Variants in PHF19 observed in about 807,000 individuals in gnomAD.
PHF19 encodes PHD finger protein 19.
In PHF19, 21 loss-of-function variants were observed where a neutral mutation model predicts 79.8. That is an observed-to-expected ratio of 0.26 (90% CI 0.19 to 0.38). The LOEUF is 0.38. Ranked by LOEUF, PHF19 falls within the 10% of genes least tolerant of loss-of-function variation. PHF19 has a pLI of 1.00. For missense variants in PHF19, 445 were observed against 744.2 expected, an observed-to-expected ratio of 0.60 and a Z score of 4.68; for synonymous variants, 273 against 296.3, an observed-to-expected ratio of 0.92 and a Z score of 0.81.
At chr9:120,875,130 T>C (rs937687541) in intron 1 of PHF19, among the ~76,000 whole-genome samples, 10 of 152,202 alleles carry the variant, frequency 6.6e-5, no homozygotes, top group African/African-American at 2.4e-4. Flanking sequence ...CCATGTGCTC[T>C]GGATGGAGGA....
the PHF19 span, among the ~76,000 whole-genome samples, chr9:120,900,893 C>G: frequency 1.3e-5 from 2 of 152,222 alleles, no homozygotes; most frequent in Non-Finnish European, 2.9e-5. Context: ...GTATGTGTCT[C>G]TTACAATCAG....
rs1554816144 is a variant in PHF19 at position 120,858,810 on chromosome 9, A to ATCAC, written c.1401-528_1401-525dup. 9.7e-5 allele frequency among the ~76,000 whole-genome samples: 6 copies of ATCAC among 62,146 alleles called. No individual in the cohort carries two copies. In the East Asian group the frequency reaches 3.4e-3, roughly 35 times the overall value. 40.8% of individuals were successfully genotyped at this position (62,146 alleles called of 152,430 possible). On this transcript the variant is annotated intron_variant, in intron 14 of 14. Coordinates refer to ENST00000373896, the MANE Select transcript of PHF19 (RefSeq NM_015651.3). The stretch of plus-strand genomic sequence containing the variant: ...AGCCTGGATGGAGAGACTGACAGAC[A>ATCAC]TCACACACACACACACACACACACA...
In PHF19 at chr9:120,860,891, G is replaced by A; in HGVS notation, c.1304+198C>T. On this transcript the variant is annotated intron_variant, in intron 13 of 14. Transcript: ENST00000373896. The surrounding 1 kb of genome is among the most constrained non-coding windows in gnomAD (Gnocchi z 4.1). ...CATGGTGAGTGTGGATAACCATGGG[G>A]CAAGGTGGGGAGGGCTGGAGAAGAG... 1 of 555,638 alleles carries A rather than the reference G, an allele frequency of 1.8e-6. No individual in the cohort carries two copies. The highest frequency in any genetic ancestry group is 2.9e-5 in the Admixed American group (1 of 34,256). The allele number at this position is 555,638 out of a possible 1,614,324, so 34.4% of individuals were successfully genotyped here.
At chr9:120,881,146 T>TTAA (rs2046175254), upstream of PHF19, among the ~76,000 whole-genome samples, 3 of 143,914 alleles carry the variant, frequency 2.1e-5, no homozygotes, top group Non-Finnish European at 4.5e-5. Flanking sequence ...ACATCGGGGG[T>TTAA]TTGTTTTTTT....
At chr9:120,871,268 A>T (rs538579220) in intron 3 of PHF19, among the ~76,000 whole-genome samples, 1 of 152,194 alleles carries the variant, frequency 6.6e-6, no homozygotes, top group Non-Finnish European at 1.5e-5. Context: ...CGTTTCTACT[A>T]TATTCCCACC....
chr9:120,855,878 AC>A lies in PHF19; in HGVS notation c.*2065del. On this transcript the variant is annotated 3_prime_UTR_variant, in exon 15 of 15. Transcript: ENST00000373896. Reference sequence around the variant, plus strand: ...TGCTATCTTCCCAGGTGGTGCAGACACCCCCTCCCTCCTTTTCCCTCTCCAG... The same window carrying A: ...TGCTATCTTCCCAGGTGGTGCAGACACCCCTCCCTCCTTTTCCCTCTCCAG... 6.6e-6 allele frequency: 1 copy of A among 152,494 alleles called. No homozygotes were observed. Among genetic ancestry groups the A allele is most frequent in the Non-Finnish European group, 1.5e-5 (1 of 68,062 alleles). 9.4% of individuals were successfully genotyped at this position (152,494 alleles called of 1,614,324 possible).
the PHF19 span, among the ~76,000 whole-genome samples, chr9:120,902,189 C>T: frequency 2.6e-5 from 4 of 152,148 alleles, no homozygotes; most frequent in Admixed American, 6.5e-5. Context: ...GAACCCCCTG[C>T]GGAGACTTCA....
Position 120,870,429 on chromosome 9 carries a change from C to G in PHF19, c.364+14G>C, listed in dbSNP as rs755595749. On this transcript the variant is annotated intron_variant, in intron 4 of 14. Transcript: ENST00000373896. The surrounding 1 kb of genome is among the most constrained non-coding windows in gnomAD (Gnocchi z 4.4). ...AGGTCGGGGCCTTCTCAGGGCCCTG[C>G]TCGCTCCACTCACCCAGGCCACACT... 1 of 1,567,994 alleles carries G rather than the reference C, an allele frequency of 6.4e-7. No individual in the cohort carries two copies. Among genetic ancestry groups the G allele is most frequent in the South Asian group, 1.1e-5 (1 of 90,194 alleles).
intron 13 of PHF19, 75 bp downstream of exon 13, chr9:120,861,014 C>G: frequency 1.1e-6 from 1 of 877,740 alleles, no homozygotes; most frequent in Non-Finnish European, 2.0e-6. Flanking sequence ...ATCCTTTTAA[C>G]TGAGGGCTTG....
At chr9:120,871,268 A>G (rs538579220) in intron 3 of PHF19, among the ~76,000 whole-genome samples, 63 of 152,312 alleles carry the variant, frequency 4.1e-4, no homozygotes, top group Non-Finnish European at 1.0e-4. Context: ...CGTTTCTACT[A>G]TATTCCCACC....
upstream of PHF19, among the ~76,000 whole-genome samples, chr9:120,880,511 C>T (rs754301668): frequency 6.6e-6 from 1 of 151,304 alleles, no homozygotes; most frequent in Non-Finnish European, 1.5e-5. Context: ...AAACAGCAGA[C>T]CAGATAGATT....
At chr9:120,894,449 G>T (rs994750700) in intron 1 of PHF19, among the ~76,000 whole-genome samples, 1 of 152,220 alleles carries the variant, frequency 6.6e-6, no homozygotes, top group African/African-American at 2.4e-5. Context: ...CAAAGCAACG[G>T]AATCCTTGGG....
upstream of PHF19, among the ~76,000 whole-genome samples, chr9:120,899,776 A>G (rs111500150): frequency 5.3e-5 from 8 of 152,284 alleles, no homozygotes; most frequent in African/African-American, 1.7e-4. Context: ...TGTCCTGCCC[A>G]CAAGCTTCTA....
intron 1 of PHF19, among the ~76,000 whole-genome samples, chr9:120,886,926 C>T (rs746405915): frequency 6.0e-5 from 9 of 150,924 alleles, no homozygotes; most frequent in Non-Finnish European, 8.9e-5. Context: ...AAAAATTAGC[C>T]GGGTGTGATT....
At chr9:120,865,857 C>G in intron 8 of PHF19, 27 bp from the exon 9 acceptor site, 1 of 1,613,874 alleles carries the variant, frequency 6.2e-7, no homozygotes, top group Admixed American at 1.7e-5. Flanking sequence ...GGAGGTGGGA[C>G]CAGGTGAGGT....
At chr9:120,896,498 C>A (rs919416446), upstream of PHF19, among the ~76,000 whole-genome samples, 1 of 131,932 alleles carries the variant, frequency 7.6e-6, no homozygotes, top group African/African-American at 2.9e-5. Flanking sequence ...GTCGCCCAGG[C>A]TGGAGTGCAG....
At chr9:120,868,868 C>T (rs1444277973) in intron 6 of PHF19, 2 of 1,117,972 alleles carry the variant, frequency 1.8e-6, no homozygotes, top group Admixed American at 5.1e-5. Context: ...AGGCCTCGCC[C>T]CAAGGTCTAA....
chr9:120,866,835 C>A lies in PHF19; in HGVS notation c.710+35G>T. The A allele has an allele frequency of 1.7e-6, 2 of 1,197,020 alleles. No individual in the cohort carries two copies. The highest frequency in any genetic ancestry group is 1.5e-5 in the African/African-American group (1 of 67,106). The allele number at this position is 1,197,020 out of a possible 1,614,324, so 74.1% of individuals were successfully genotyped here. On this transcript the variant is annotated intron_variant, in intron 7 of 14. Transcript: ENST00000373896. This position sits in a 1 kb window ranked among gnomAD's most constrained non-coding sequence, Gnocchi z 5.2. The stretch of plus-strand genomic sequence containing the variant: ...TGCCATCCCTGCCCTCTCCCCACCA[C>A]GCCCAAGGCCCACTTGGACCAAATT...
chr9:120,867,153 C>T (rs371152112), intron 6 of PHF19, among the ~76,000 whole-genome samples, 188 bp from the exon 7 acceptor site: 6 of 152,332 alleles, frequency 3.9e-5, no homozygotes, highest in African/African-American at 1.4e-4. Context: ...CACCTCACCA[C>T]CTGGTAAAAG....
Sources: gnomAD v4.1 joint callset for allele counts (sites outside exome capture counted in the v4.1 genomes callset) on GRCh38, gnomAD v4.1.1 for gene constraint, Gnocchi (gnomAD v3.1) non-coding constraint, MANE v1.5 for transcripts, NCBI Gene and HGNC (gene_info 2026-07-23, HGNC 2026-07-21) for gene names.